DENND1A: variants seen among roughly 807,000 people sequenced by gnomAD.
DENND1A encodes DENN domain-containing protein 1A.
A neutral mutation model predicts 113.7 loss-of-function variants in DENND1A; 51 were observed. The ratio of observed to expected loss-of-function variants is 0.45; its 90% CI spans 0.36 to 0.57. The LOEUF (loss-of-function observed/expected upper bound fraction) is 0.57, where lower values mean the gene tolerates loss of function less well. Among genes scored for constraint, DENND1A ranks in the 20% least tolerant of loss-of-function variants. The pLI, the probability that DENND1A is intolerant of heterozygous loss-of-function variation, is 0.00. For synonymous variants in DENND1A, 565 were observed against 570.8 expected (o/e 0.99, Z 0.14); for missense variants, 1,258 against 1,395.9 (o/e 0.90, Z 1.57).
intron 23 of DENND1A, among the ~76,000 whole-genome samples, chr9:123,383,068 G>C (rs1186791340): frequency 6.6e-6 from 1 of 152,202 alleles, no homozygotes; most frequent in East Asian, 1.9e-4. Context: ...ACACGGCCCG[G>C]GTGCCAGTCC....
chr9:123,582,129 G>C (rs923435076), intron 12 of DENND1A, among the ~76,000 whole-genome samples: 1 of 152,194 alleles, frequency 6.6e-6, no homozygotes, highest in Non-Finnish European at 1.5e-5. Context: ...ACTGCCACCC[G>C]ATACTCTACC....
At chr9:123,820,165 T>C (rs1254293677) in intron 2 of DENND1A, among the ~76,000 whole-genome samples, 1 of 152,184 alleles carries the variant, frequency 6.6e-6, no homozygotes, top group African/African-American at 2.4e-5. Context: ...TGTAAGCCAG[T>C]ATGATAGGTT....
At chr9:123,471,817 C>T (rs1005753993) in intron 13 of DENND1A, among the ~76,000 whole-genome samples, 3 of 152,180 alleles carry the variant, frequency 2.0e-5, no homozygotes, top group Non-Finnish European at 4.4e-5. Flanking sequence ...GCTCAGTTAC[C>T]CAAACACAGT....
chr9:123,725,153 GA>G (rs2067613091), intron 5 of DENND1A, among the ~76,000 whole-genome samples: 1 of 152,218 alleles, frequency 6.6e-6, no homozygotes, highest in African/African-American at 2.4e-5. Context: ...TAAAGCTTTA[GA>G]TAAAGCTAAA....
chr9:123,557,790 C>T (rs764481286), intron 12 of DENND1A, 95 bp from the exon 13 acceptor site: 314 of 1,428,880 alleles, frequency 2.2e-4, no homozygotes, highest in Non-Finnish European at 2.8e-4. Flanking sequence ...GAAGATCCTA[C>T]GGATGGCAGG....
chr9:123,735,124 A>T (rs1338775045), intron 5 of DENND1A, among the ~76,000 whole-genome samples: 1 of 152,190 alleles, frequency 6.6e-6, no homozygotes, highest in Non-Finnish European at 1.5e-5. Context: ...CAAGGAAGAT[A>T]TCAAAGGGCA....
At chr9:123,676,652 G>T in intron 6 of DENND1A, 68 bp downstream of exon 6, 1 of 1,475,416 alleles carries the variant, frequency 6.8e-7, no homozygotes, top group Non-Finnish European at 9.3e-7. Context: ...TATAAGGCAT[G>T]TTTTACTTTT....
intron 1 of DENND1A, among the ~76,000 whole-genome samples, chr9:123,894,308 T>C (rs956664018): frequency 3.3e-5 from 5 of 152,252 alleles, no homozygotes; most frequent in Non-Finnish European, 7.3e-5. Context: ...GCTCTATAAA[T>C]ATTGCTAGGT....
At chr9:123,861,273 CTGCAGTTA>C (rs1325839542) in intron 2 of DENND1A, among the ~76,000 whole-genome samples, 1 of 152,164 alleles carries the variant, frequency 6.6e-6, no homozygotes, top group African/African-American at 2.4e-5. Context: ...TAATTTCAGT[CTGCAGTTA>C]AAAGGCACTA....
intron 11 of DENND1A, among the ~76,000 whole-genome samples, chr9:123,606,193 G>A (rs2060148302): frequency 6.6e-6 from 1 of 152,182 alleles, no homozygotes; most frequent in Non-Finnish European, 1.5e-5. Flanking sequence ...CCAGGGAGGA[G>A]GTCAGGAGAC....
chr9:123,616,351 T>C (rs568246039), intron 10 of DENND1A, among the ~76,000 whole-genome samples: 2 of 152,356 alleles, frequency 1.3e-5, no homozygotes, highest in South Asian at 4.1e-4. Context: ...TGCTAGTGAC[T>C]TCTCTTAACC....
intron 1 of DENND1A, among the ~76,000 whole-genome samples, chr9:123,929,676 C>A (rs978979920): frequency 2.0e-5 from 3 of 151,960 alleles, no homozygotes; most frequent in Admixed American, 1.3e-4. Flanking sequence ...GAGGGGACAC[C>A]TGACCCCCGG....
At chr9:123,766,719 C>A (rs1663465033) in intron 4 of DENND1A, among the ~76,000 whole-genome samples, 2 of 152,178 alleles carry the variant, frequency 1.3e-5, no homozygotes, top group South Asian at 4.1e-4. Context: ...GGCACCTGCT[C>A]TTATCTCTTA....
chr9:123,551,536 A>C (rs2057043565), intron 13 of DENND1A, among the ~76,000 whole-genome samples: 1 of 152,140 alleles, frequency 6.6e-6, no homozygotes, highest in South Asian at 2.1e-4. Flanking sequence ...GCTTCCTAGG[A>C]ATCACTGCAG....
At chr9:123,555,979 A>AG (rs1452087089) in intron 13 of DENND1A, among the ~76,000 whole-genome samples, 3 of 152,158 alleles carry the variant, frequency 2.0e-5, no homozygotes, top group African/African-American at 7.2e-5. Context: ...CCCATTTTAA[A>AG]GGGGGGAAGA....
At chr9:123,613,744 G>T (rs2060519374) in intron 10 of DENND1A, among the ~76,000 whole-genome samples, 1 of 152,206 alleles carries the variant, frequency 6.6e-6, no homozygotes, top group African/African-American at 2.4e-5. Flanking sequence ...CCAAACTTAT[G>T]CATAGGCAGG....
chr9:123,686,413 C>T (rs2064814870), intron 5 of DENND1A, among the ~76,000 whole-genome samples: 1 of 152,146 alleles, frequency 6.6e-6, no homozygotes, highest in Non-Finnish European at 1.5e-5. Context: ...AAATCCTTAC[C>T]TTGTGGTTCT....
At chr9:123,560,650 G>A (rs550471820) in intron 12 of DENND1A, among the ~76,000 whole-genome samples, 91 of 150,190 alleles carry the variant, frequency 6.1e-4, no homozygotes, top group African/African-American at 2.2e-3. Flanking sequence ...TGATTGCACC[G>A]TGGCACTCCA....
At chr9:123,600,178 A>G (rs114459043) in intron 11 of DENND1A, among the ~76,000 whole-genome samples, 311 of 152,322 alleles carry the variant, frequency 2.0e-3, no homozygotes, top group African/African-American at 7.3e-3. Context: ...AAATAAAAAC[A>G]GGTTGAAAAA....
Sources: gnomAD v4.1 joint callset for allele counts (sites outside exome capture counted in the v4.1 genomes callset) on GRCh38, gnomAD v4.1.1 for gene constraint, MANE v1.5 for transcripts, NCBI Gene and HGNC (gene_info 2026-07-23, HGNC 2026-07-21) for gene names.